Variants in APEX1 observed in about 807,000 individuals in gnomAD.
The protein encoded by APEX1 is DNA repair nuclease/redox regulator APEX1.
A neutral mutation model predicts 33.2 loss-of-function variants in APEX1; 32 were observed. The observed-to-expected ratio is 0.96, with a 90% CI of 0.73 to 1.29. APEX1 has a LOEUF of 1.29. APEX1 is among the 50% of genes most tolerant of loss of function. The pLI, the probability that APEX1 is intolerant of heterozygous loss-of-function variation, is 0.00. For synonymous variants in APEX1, 175 were observed against 156.6 expected (o/e 1.12, Z -0.88); for missense variants, 442 against 395.6 (o/e 1.12, Z -0.99).
rs781707896 is a variant in APEX1, at chr14:20,455,763, C to T, written c.58+60C>T. The T allele has an allele frequency of 4.3e-6, 7 of 1,614,006 alleles. No homozygotes were observed. In the South Asian group the frequency reaches 4.4e-5, roughly 10 times the overall value. ...CTGCGGCGGGGGTGTTTGTCATTCC[C>T]TTGATGTACGGTAAGTACGGGCCGA... On this transcript the variant is annotated intron_variant, in intron 2 of 4. Coordinates refer to ENST00000216714, the MANE Select transcript of APEX1 (RefSeq NM_001641.4).
intron 4 of APEX1, 31 bp downstream of exon 4, chr14:20,456,891 C>G (rs1359005672): frequency 1.2e-6 from 2 of 1,609,286 alleles, no homozygotes; most frequent in Non-Finnish European, 1.7e-6. Flanking sequence ...AATGCCTGAA[C>G]TCTTCAAAAC....
rs1043739629 is a variant in APEX1, at chr14:20,457,514, C to T, written c.*6C>T. 2 of 1,613,450 alleles carry T rather than the reference C, an allele frequency of 1.2e-6. No individual in the cohort carries two copies. The highest frequency in any genetic ancestry group is 1.7e-6 in the Non-Finnish European group (2 of 1,179,966). ...CCCTATACCTAGCACTGTGACACCACCCCTAAATCACTTTGAGCCTGGGAA... is the reference window on the plus strand; with the variant it reads ...CCCTATACCTAGCACTGTGACACCATCCCTAAATCACTTTGAGCCTGGGAA... On this transcript the variant is annotated 3_prime_UTR_variant, in exon 5 of 5. Transcript: ENST00000216714.
Position 20,456,620 on chromosome 14 carries a change from G to C in APEX1, c.247-48G>C, listed in dbSNP as rs190705831. The C allele has an allele frequency of 2.6e-6, 4 of 1,549,382 alleles. No homozygotes were observed. The South Asian group carries it at 4.5e-5, about 17-fold the overall frequency. ...TTAGCATATAGATTATTCAATAAAT[G>C]TTCTGCTGAATTGATAATACGTTTT... On this transcript the variant is annotated intron_variant, in intron 3 of 4. Transcript: ENST00000216714.
At chr14:20,456,436 T>C (rs1881357019) in intron 3 of APEX1, among the ~76,000 whole-genome samples, 2 of 152,228 alleles carry the variant, frequency 1.3e-5, no homozygotes, top group South Asian at 4.1e-4. Context: ...TGCTATCCAC[T>C]GCCTATAGAA....
chr14:20,456,557 T>C, intron 3 of APEX1, 111 bp from the exon 4 acceptor site: 1 of 1,045,126 alleles, frequency 9.6e-7, no homozygotes. Context: ...TCGAACTCCT[T>C]AGGCCAAGAG....
chr14:20,455,618 C>CAGCT lies in APEX1; in HGVS notation c.-27_-24dup. 2.5e-6 allele frequency: 4 copies of CAGCT among 1,612,698 alleles called. No homozygotes were observed. Among genetic ancestry groups the CAGCT allele is most frequent in the Non-Finnish European group, 3.4e-6 (4 of 1,180,022 alleles). ...TATTGCTTCGGTGGGTGACGCGGTA[C>CAGCT]AGCTGCCCAAGGGCGTTCGTAACGG... On this transcript the variant is annotated 5_prime_UTR_variant, in exon 2 of 5. Coordinates refer to ENST00000216714, the MANE Select transcript of APEX1 (RefSeq NM_001641.4).
chr14:20,455,744 C>T (rs776692597), intron 2 of APEX1, 41 bp downstream of exon 2: 2 of 1,614,052 alleles, frequency 1.2e-6, no homozygotes, highest in Non-Finnish European at 1.7e-6. Context: ...GAAGCTGCGG[C>T]GGGGGTGTTT....
In APEX1 at chr14:20,457,043, G is replaced by C. The variant is rs143215922; in HGVS notation, c.492G>C (p.Ser164=). ...GGGTGATTGTGGCTGAATTTGACTC[G>C]TTTGTGCTGGTAACAGCATATGTAC... ...EGRVIVAEFD[S]FVLVTAYVPN... Residue 164 remains serine (S), a synonymous_variant, in exon 5 of 5, where the codon TCG becomes TCC. Transcript: ENST00000216714. The C allele has an allele frequency of 4.8e-5, 77 of 1,614,196 alleles. No individual in the cohort carries two copies. In the South Asian group the frequency reaches 8.0e-4, roughly 17 times the overall value.
intron 3 of APEX1, 64 bp downstream of exon 3, chr14:20,456,165 C>A: frequency 6.4e-7 from 1 of 1,567,996 alleles, no homozygotes; most frequent in Non-Finnish European, 8.8e-7. Flanking sequence ...TTTAGTCACC[C>A]CTTTTCTCCG....
Position 20,456,694 on chromosome 14 carries a change from A to C in APEX1, c.273A>C (p.Ile91=), listed in dbSNP as rs766820374. 6.2e-7 allele frequency: 1 copy of C among 1,614,184 alleles called. No homozygotes were observed. The highest frequency in any genetic ancestry group is 8.5e-7 in the Non-Finnish European group (1 of 1,179,994). Residue 91 remains isoleucine, a synonymous_variant, in exon 4 of 5, where the codon ATA becomes ATC. Coordinates refer to ENST00000216714, the MANE Select transcript of APEX1 (RefSeq NM_001641.4). ...GGGTAAAGGAAGAAGCCCCAGATAT[A>C]CTGTGCCTTCAAGAGACCAAATGTT... is the stretch of plus-strand genomic sequence containing the variant. ...LDWVKEEAPD[I]LCLQETKCSE... is the part of the protein sequence containing the mutation.
intron 4 of APEX1, 44 bp from the exon 5 acceptor site, chr14:20,456,947 C>T (rs1255272360): frequency 6.2e-7 from 1 of 1,606,408 alleles, no homozygotes; most frequent in South Asian, 1.1e-5. Context: ...ATTGCTTTCC[C>T]TTTTCTTATA....
intron 1 of APEX1, 30 bp downstream of exon 1, chr14:20,455,424 CG>C: frequency 1.5e-6 from 1 of 670,526 alleles, no homozygotes; most frequent in East Asian, 2.8e-5. Context: ...GATCTAGTTT[CG>C]TGGGTGAGGG....
At chr14:20,456,604 A>G (rs943929279) in intron 3 of APEX1, 64 bp from the exon 4 acceptor site, 2 of 1,498,756 alleles carry the variant, frequency 1.3e-6, no homozygotes, top group East Asian at 2.3e-5. Flanking sequence ...CTTAGCATAT[A>G]GATTATTCAA....
At position 20,455,933 on chromosome 14, in the gene APEX1, T is replaced by A; in HGVS notation, c.78T>A (p.Ser26Arg). ...ELRTEPEAKK[S>R]KTAAKKNDKE... is the part of the protein sequence containing the mutation. Reference sequence around the variant, plus strand: ...TTATAGAGCCAGAGGCCAAGAAGAGTAAGACGGCCGCAAAGAAAAATGACA... The same window carrying A: ...TTATAGAGCCAGAGGCCAAGAAGAGAAAGACGGCCGCAAAGAAAAATGACA... The change falls in exon 3 of 5, where the codon AGT becomes AGA. Residue 26 changes from serine to arginine, a missense_variant. Ser to Arg is a moderately radical substitution (Grantham distance 110, BLOSUM62 -1). Coordinates refer to ENST00000216714, the MANE Select transcript of APEX1 (RefSeq NM_001641.4). The A allele has an allele frequency of 6.2e-7, 1 of 1,613,708 alleles. No homozygotes were observed. Among genetic ancestry groups the A allele is most frequent in the Non-Finnish European group, 8.5e-7 (1 of 1,179,938 alleles).
chr14:20,457,226 G>T lies in APEX1; in HGVS notation c.675G>T (p.Gly225=), dbSNP rs768653946. 1 of 1,614,164 alleles carries T rather than the reference G, an allele frequency of 6.2e-7. No individual in the cohort carries two copies. The highest frequency in any genetic ancestry group is 1.1e-5 in the South Asian group (1 of 91,082). The change falls in exon 5 of 5, where the codon GGG becomes GGT. Residue 225 remains glycine, a synonymous_variant. Coordinates refer to ENST00000216714, the MANE Select transcript of APEX1 (RefSeq NM_001641.4). ...AAATTGACCTTCGCAACCCCAAGGG[G>T]AACAAAAAGAATGCTGGCTTCACGC... ...HEEIDLRNPK[G]NKKNAGFTPQ...
Position 20,456,099 on chromosome 14 carries a change from G to A in APEX1, c.244G>A (p.Asp82Asn). 1 of 1,614,122 alleles carries A rather than the reference G, an allele frequency of 6.2e-7. No homozygotes were observed. Among genetic ancestry groups the A allele is most frequent in the Non-Finnish European group, 8.5e-7 (1 of 1,179,946 alleles). The change falls in exon 3 of 5, where the codon GAT (aspartate) becomes AAT (asparagine). Residue 82 changes from aspartate (D) to asparagine (N), a missense_variant and splice_region_variant. Asp to Asn is a conservative substitution (Grantham distance 23). Transcript: ENST00000216714. The part of the protein sequence containing the change: ...LRAWIKKKGL[D>N]WVKEEAPDIL... ...AGCCTGGATTAAGAAGAAAGGATTA[G>A]ATGTGAGTGGAATTTGAGGGAAAGA...
At chr14:20,456,461 T>C (rs1205903691) in intron 3 of APEX1, among the ~76,000 whole-genome samples, 1 of 152,210 alleles carries the variant, frequency 6.6e-6, no homozygotes, top group African/African-American at 2.4e-5. Context: ...CACATCTCCT[T>C]GGCATAGCAT....
rs754130481 is a variant in APEX1, at chr14:20,457,093, G to C, written c.542G>C (p.Arg181Pro). The change falls in exon 5 of 5, where the codon CGA (arginine) becomes CCA (proline). Residue 181 changes from arginine to proline, a missense_variant. Coordinates refer to ENST00000216714, the MANE Select transcript of APEX1 (RefSeq NM_001641.4). ...YVPNAGRGLV[R>P]LEYRQRWDEA... ...CCTAATGCAGGCCGAGGTCTGGTAC[G>C]ACTGGAGTACCGGCAGCGCTGGGAT... is the stretch of plus-strand genomic sequence containing the variant. 3 of 1,614,208 alleles carry C rather than the reference G, an allele frequency of 1.9e-6. No homozygotes were observed. The highest frequency in any genetic ancestry group is 2.5e-6 in the Non-Finnish European group (3 of 1,180,036).
intron 3 of APEX1, 32 bp from the exon 4 acceptor site, chr14:20,456,633 GATA>G (rs780934963): frequency 8.9e-6 from 14 of 1,580,418 alleles, no homozygotes; most frequent in Non-Finnish European, 1.2e-5. Context: ...CTGCTGAATT[GATA>G]ATACGTTTTC....
Sources: gnomAD v4.1 joint callset for allele counts (sites outside exome capture counted in the v4.1 genomes callset) on GRCh38, gnomAD v4.1.1 for gene constraint, MANE v1.5 for transcripts, NCBI Gene and HGNC (gene_info 2026-07-23, HGNC 2026-07-21) for gene names.